Variants in BMP2K observed in about 807,000 individuals in gnomAD.
The protein encoded by BMP2K is BMP-2-inducible protein kinase.
In BMP2K, 74 loss-of-function variants were observed where a neutral mutation model predicts 116.0. The ratio of observed to expected loss-of-function variants is 0.64; its 90% CI spans 0.53 to 0.77. BMP2K has a LOEUF of 0.77. BMP2K is among the 30% of genes least tolerant of loss of function. BMP2K has a pLI of 0.00. For synonymous variants in BMP2K, 486 were observed against 502.5 expected (o/e 0.97, Z 0.44); for missense variants, 1,365 against 1,403.6 (o/e 0.97, Z 0.44).
chr4:78,878,940 C>G, intron 14 of BMP2K, 49 bp downstream of exon 14: 1 of 1,574,560 alleles, frequency 6.4e-7, no homozygotes, highest in Non-Finnish European at 8.6e-7. Context: ...AATAACAGCT[C>G]TATTATTATT....
intron 2 of BMP2K, among the ~76,000 whole-genome samples, chr4:78,826,408 G>A (rs1305171498): frequency 1.7e-4 from 26 of 152,038 alleles, no homozygotes; most frequent in Admixed American, 1.7e-3. Flanking sequence ...TCACCATGTT[G>A]GGCAGGCTGG....
chr4:78,842,840 C>G (rs375992240), intron 4 of BMP2K, among the ~76,000 whole-genome samples: 1 of 151,964 alleles, frequency 6.6e-6, no homozygotes. Context: ...TTAAATGTCT[C>G]TCCACACTAT....
At chr4:78,881,146 G>A (rs1201837442) in intron 14 of BMP2K, among the ~76,000 whole-genome samples, 2 of 152,050 alleles carry the variant, frequency 1.3e-5, no homozygotes, top group Admixed American at 6.5e-5. Context: ...TACTTCATAG[G>A]GTTGTCCAGA....
intron 6 of BMP2K, 71 bp from the exon 7 acceptor site, chr4:78,850,853 T>C (rs1560528606): frequency 1.3e-6 from 2 of 1,528,294 alleles, no homozygotes; most frequent in Non-Finnish European, 1.8e-6. Flanking sequence ...TAAAGTAACA[T>C]TGAGTTTTTG....
At chr4:78,842,300 G>T in intron 3 of BMP2K, 85 bp from the exon 4 acceptor site, 1 of 1,225,150 alleles carries the variant, frequency 8.2e-7, no homozygotes. Flanking sequence ...CCCATTACTT[G>T]AAGCCATAAA....
intron 1 of BMP2K, among the ~76,000 whole-genome samples, chr4:78,816,789 T>G (rs1729374353): frequency 6.6e-6 from 1 of 152,190 alleles, no homozygotes; most frequent in South Asian, 2.1e-4. Context: ...GGCGCTTGGT[T>G]AATTCATAGG....
At chr4:78,882,023 TA>T (rs1295396191) in intron 14 of BMP2K, among the ~76,000 whole-genome samples, 2 of 152,144 alleles carry the variant, frequency 1.3e-5, no homozygotes, top group East Asian at 3.9e-4. Context: ...ATATGGTCCT[TA>T]AAAGTATAGG....
chr4:78,871,006 GCAGCACCACCAC>G lies in BMP2K; in HGVS notation c.1458_1469del (p.Gln486_His489del). 2 of 1,573,486 alleles carry G rather than the reference GCAGCACCACCAC, an allele frequency of 1.3e-6. No individual in the cohort carries two copies. Among genetic ancestry groups the G allele is most frequent in the Non-Finnish European group, 1.7e-6 (2 of 1,151,522 alleles). On this transcript the variant is annotated inframe_deletion, in exon 11 of 16. Coordinates refer to ENST00000502613, the MANE Select transcript of BMP2K (RefSeq NM_198892.2). ...AACAGCAGCAGCAGCAGCAGCAGCA[GCAGCACCACCAC>G]CACCACCACCACCACCTACTTCAAG...
At position 78,911,782 on chromosome 4, in the gene BMP2K, C is replaced by T. The variant is rs369782458; in HGVS notation, c.3235C>T (p.Leu1079=). 6.2e-7 allele frequency: 1 copy of T among 1,613,876 alleles called. No homozygotes were observed. The highest frequency in any genetic ancestry group is 1.3e-5 in the African/African-American group (1 of 74,936). Reference sequence around the variant, plus strand: ...TGCCAAGCCCTTCCATTCTCCAGACCTGTCATGGCACCCTCCACATCAGGG... The same window carrying T: ...TGCCAAGCCCTTCCATTCTCCAGACTTGTCATGGCACCCTCCACATCAGGG... The part of the protein sequence containing the change: ...FGAKPFHSPD[L]SWHPPHQGLS... The change falls in exon 16 of 16, where the codon CTG becomes TTG. Residue 1079 remains leucine, a synonymous_variant. Coordinates refer to ENST00000502613, the MANE Select transcript of BMP2K (RefSeq NM_198892.2).
chr4:78,779,168 A>G (rs953020001), intron 1 of BMP2K, among the ~76,000 whole-genome samples: 11 of 152,314 alleles, frequency 7.2e-5, no homozygotes, highest in Non-Finnish European at 1.3e-4. Context: ...CACTGCTCCT[A>G]CTATGGTGTT....
Position 78,821,183 on chromosome 4 carries a change from T to A in BMP2K, c.179-4854T>A, listed in dbSNP as rs544796328. Among the ~76,000 whole-genome samples the A allele has an allele frequency of 2.0e-5, 3 of 152,330 alleles. No homozygotes were observed. In the South Asian group the frequency reaches 6.2e-4, roughly 32 times the overall value. On this transcript the variant is annotated intron_variant, in intron 1 of 15. Transcript: ENST00000502613. ...TACTATCTTGTCATCTTAAAGGGTT[T>A]CTTTGAACGTCTGATCATCTTTTTA...
intron 5 of BMP2K, among the ~76,000 whole-genome samples, chr4:78,845,581 C>T (rs770646582): frequency 2.0e-4 from 30 of 151,544 alleles, no homozygotes; most frequent in Non-Finnish European, 3.0e-4. Context: ...TCTCTTAATC[C>T]GGTGCTTTCT....
chr4:78,799,771 T>TG (rs113084188), intron 1 of BMP2K, among the ~76,000 whole-genome samples: 30,360 of 151,930 alleles, frequency 0.2, 6,658 homozygotes, highest in African/African-American at 0.55. Context: ...TGTACCAAGA[T>TG]TTGATTTTTC....
rs80336825 is a variant in BMP2K at position 78,862,303 on chromosome 4, A to T, written c.1067+835A>T. Among the ~76,000 whole-genome samples the T allele has an allele frequency of 5.6e-3, 854 of 152,240 alleles. 11 individuals carry two copies. Among genetic ancestry groups the T allele is most frequent in the African/African-American group, 0.019 (808 of 41,564 alleles). ...TTGACAAGTAAACGATTACAACCTGATAGATATTAGGCTACTTTGAGAGTG... is the reference window on the plus strand; with the variant it reads ...TTGACAAGTAAACGATTACAACCTGTTAGATATTAGGCTACTTTGAGAGTG... On this transcript the variant is annotated intron_variant, in intron 9 of 15. Coordinates refer to ENST00000502613, the MANE Select transcript of BMP2K (RefSeq NM_198892.2).
At chr4:78,798,727 T>C (rs945465704) in intron 1 of BMP2K, among the ~76,000 whole-genome samples, 5 of 152,224 alleles carry the variant, frequency 3.3e-5, no homozygotes, top group African/African-American at 7.2e-5. Context: ...CCTAAATGTT[T>C]ATAAAGATTT....
chr4:78,878,631 G>T, intron 13 of BMP2K, 103 bp from the exon 14 acceptor site: 1 of 949,474 alleles, frequency 1.1e-6, no homozygotes, highest in South Asian at 1.7e-5. Context: ...GAAATGATTT[G>T]GTTTTCTAAG....
At chr4:78,878,262 T>A (rs1352742021) in intron 13 of BMP2K, among the ~76,000 whole-genome samples, 1 of 152,206 alleles carries the variant, frequency 6.6e-6, no homozygotes, top group Admixed American at 6.5e-5. Context: ...AGGCATTTGA[T>A]CACTGTGTTC....
At chr4:78,829,210 C>A (rs1730029277) in intron 2 of BMP2K, among the ~76,000 whole-genome samples, 1 of 152,148 alleles carries the variant, frequency 6.6e-6, no homozygotes, top group Non-Finnish European at 1.5e-5. Flanking sequence ...CAAATCTTGT[C>A]ACTGCTTTAT....
chr4:78,847,391 T>C (rs1262724816), intron 6 of BMP2K, 122 bp downstream of exon 6: 2 of 464,706 alleles, frequency 4.3e-6, no homozygotes, highest in African/African-American at 4.1e-5. Context: ...TGATGTACAG[T>C]AGAGCTTCTT....
Sources: allele counts gnomAD v4.1 joint callset (sites outside exome capture counted in the v4.1 genomes callset), GRCh38; gene constraint gnomAD v4.1.1; transcripts MANE v1.5; gene names NCBI Gene and HGNC (gene_info 2026-07-23, HGNC 2026-07-21).